The following CCDC175 variants were observed in gnomAD, a reference collection of about 807,000 sequenced individuals.
CCDC175 encodes coiled-coil domain containing 175, also known as coiled-coil domain-containing protein 175.
In CCDC175, 100 loss-of-function variants were observed where a neutral mutation model predicts 114.6. The observed-to-expected ratio is 0.87, with a 90% confidence interval of 0.74 to 1.03. CCDC175 has a LOEUF of 1.03. Ranked by LOEUF, CCDC175 falls within the 50% of genes least tolerant of loss-of-function variation. CCDC175 has a pLI of 0.00. For synonymous variants in CCDC175, 306 were observed against 308.7 expected (o/e 0.99, Z 0.09); for missense variants, 880 against 917.8 (o/e 0.96, Z 0.53).
At chr14:59,512,589 A>G (rs1399610770) in intron 17 of CCDC175, among the ~76,000 whole-genome samples, 1 of 152,280 alleles carries the variant, frequency 6.6e-6, no homozygotes, top group African/African-American at 2.4e-5. Context: ...ACAATTTTTG[A>G]GTCCTGTGAA....
chr14:59,574,994 A>G lies in CCDC175; in HGVS notation c.192T>C (p.Asn64=). ...CCTTAAGAAAGATCTTAGCTTCTTC[A>G]TTACATTTAAAATAGTCACTTTGCA... ...QSLQSDYFKC[N]EEAKIFLKDI... Residue 64 remains asparagine (N), a synonymous_variant, in exon 2 of 20, where the codon AAT becomes AAC. Coordinates refer to ENST00000537690, the MANE Select transcript of CCDC175 (RefSeq NM_001164399.2). The G allele has an allele frequency of 2.0e-6, 3 of 1,518,186 alleles. No individual in the cohort carries two copies. Among genetic ancestry groups the G allele is most frequent in the Non-Finnish European group, 1.8e-6 (2 of 1,134,272 alleles). 94.0% of individuals were successfully genotyped at this position (1,518,186 alleles called of 1,614,324 possible).
Position 59,565,083 on chromosome 14 carries a change from T to C in CCDC175, c.684A>G (p.Ala228=), listed in dbSNP as rs1437221813. ...ACTCTTGTTTTCTTATTAGATATTC[T>C]GCCCTTTCTTTTTCCATTAGCTCCT... is the stretch of plus-strand genomic sequence containing the variant. The part of the protein sequence containing the change: ...EAEELMEKER[A]EYLIRKQELT... Residue 228 remains alanine (A), a synonymous_variant, in exon 5 of 20, where the codon GCA becomes GCG. Coordinates refer to ENST00000537690, the MANE Select transcript of CCDC175 (RefSeq NM_001164399.2). The C allele has an allele frequency of 6.5e-7, 1 of 1,537,364 alleles. No homozygotes were observed. Among genetic ancestry groups the C allele is most frequent in the Non-Finnish European group, 8.7e-7 (1 of 1,146,858 alleles).
At chr14:59,533,712 G>C (rs1323235218) in intron 13 of CCDC175, among the ~76,000 whole-genome samples, 1 of 152,200 alleles carries the variant, frequency 6.6e-6, no homozygotes, top group Non-Finnish European at 1.5e-5. Context: ...AATCCAGCCA[G>C]GCATGGTGGC....
At chr14:59,570,823 C>T (rs548786435) in intron 3 of CCDC175, among the ~76,000 whole-genome samples, 1 of 152,298 alleles carries the variant, frequency 6.6e-6, no homozygotes, top group African/African-American at 2.4e-5. Context: ...CTCACTGCAA[C>T]CTCTGCCTCC....
intron 17 of CCDC175, among the ~76,000 whole-genome samples, chr14:59,518,282 C>T (rs553203260): frequency 3.9e-5 from 6 of 152,254 alleles, no homozygotes; most frequent in African/African-American, 1.4e-4. Context: ...ATGTCTAAAA[C>T]ACCAAAAGCA....
chr14:59,558,516 G>T (rs1423057485), intron 7 of CCDC175, among the ~76,000 whole-genome samples: 1 of 152,168 alleles, frequency 6.6e-6, no homozygotes, highest in Admixed American at 6.5e-5. Context: ...GATTTGGCTG[G>T]AGTAAGAGTT....
chr14:59,549,739 A>AAAAGAC (rs1566622011), intron 8 of CCDC175, among the ~76,000 whole-genome samples: 2 of 149,600 alleles, frequency 1.3e-5, no homozygotes, highest in Non-Finnish European at 3.0e-5. Context: ...AAGAAAAAGA[A>AAAAGAC]AAAGAAAAAA....
At position 59,513,959 on chromosome 14, in the gene CCDC175, G is replaced by A. The variant is rs571174365; in HGVS notation, c.2099-2156C>T. The stretch of plus-strand genomic sequence containing the variant: ...ACCTCACATGGCCGGGTACTCCTCT[G>A]AGACAAAACTTCCAGAGGCATGATC... On this transcript the variant is annotated intron_variant, in intron 17 of 19. Coordinates refer to ENST00000537690, the MANE Select transcript of CCDC175 (RefSeq NM_001164399.2). 2.0e-5 allele frequency among the ~76,000 whole-genome samples: 3 copies of A among 152,252 alleles called. No individual in the cohort carries two copies. In the East Asian group the frequency reaches 5.8e-4, roughly 29 times the overall value.
At chr14:59,550,955 C>T (rs1344434691) in intron 8 of CCDC175, among the ~76,000 whole-genome samples, 1 of 152,190 alleles carries the variant, frequency 6.6e-6, no homozygotes, top group African/African-American at 2.4e-5. Context: ...TCAGTATTAA[C>T]CATCACAATA....
rs1357364289 is a variant in CCDC175, at chr14:59,521,602, G to A, written c.2070C>T (p.Asp690=). Residue 690 remains aspartate (D), a synonymous_variant, in exon 17 of 20, where the codon GAC becomes GAT. Coordinates refer to ENST00000537690, the MANE Select transcript of CCDC175 (RefSeq NM_001164399.2). ...GQEALMHTSS[D]LSRQLIAQEA... ...CCTGAGCTATTAGTTGCCGAGACAA[G>A]TCGCTTGAGGTGTGCATGAGGGCTT... 2.0e-6 allele frequency: 3 copies of A among 1,535,054 alleles called. No homozygotes were observed. The South Asian group carries it at 3.6e-5, about 18-fold the overall frequency.
chr14:59,520,404 G>A (rs942038960), intron 17 of CCDC175, among the ~76,000 whole-genome samples: 2 of 152,058 alleles, frequency 1.3e-5, no homozygotes, highest in East Asian at 3.9e-4. Flanking sequence ...TTTGTCTGGC[G>A]GTTTCTTATA....
intron 14 of CCDC175, among the ~76,000 whole-genome samples, chr14:59,528,418 C>A (rs7160138): frequency 0.4 from 61,238 of 151,630 alleles, 13,459 homozygotes; most frequent in African/African-American, 0.58. Context: ...TGTATTATTT[C>A]TTTGATAATT....
Position 59,562,941 on chromosome 14 carries a change from T to C in CCDC175, c.843+796A>G, listed in dbSNP as rs368582244. ...AATGCTTTGTAATTGGATATCATAA[T>C]AGATATATTGTAATTAAAATGAGCA... On this transcript the variant is annotated intron_variant, in intron 6 of 19. Transcript: ENST00000537690. 1.3e-4 allele frequency among the ~76,000 whole-genome samples: 20 copies of C among 152,328 alleles called. 2 individuals carry two copies. The highest frequency in any genetic ancestry group is 8.5e-4 in the Admixed American group (13 of 15,298).
intron 3 of CCDC175, among the ~76,000 whole-genome samples, chr14:59,570,939 C>T (rs1020780579): frequency 6.6e-6 from 1 of 152,044 alleles, no homozygotes; most frequent in African/African-American, 2.4e-5. Context: ...GATGGGGTTT[C>T]ACTATGTTGG....
chr14:59,521,814 T>C (rs1373950121), intron 16 of CCDC175, 138 bp from the exon 17 acceptor site: 6 of 550,604 alleles, frequency 1.1e-5, no homozygotes, highest in Non-Finnish European at 1.9e-5. Context: ...CAGTGGGGAA[T>C]AAAACATACC....
At chr14:59,552,680 G>A (rs1050746278) in intron 7 of CCDC175, among the ~76,000 whole-genome samples, 1 of 152,176 alleles carries the variant, frequency 6.6e-6, no homozygotes, top group Non-Finnish European at 1.5e-5. Context: ...GCTAAAGGAG[G>A]AAATTCGAAC....
At chr14:59,559,904 G>A (rs976611171) in intron 7 of CCDC175, among the ~76,000 whole-genome samples, 17 of 152,070 alleles carry the variant, frequency 1.1e-4, no homozygotes, top group African/African-American at 3.6e-4. Context: ...ATCCTCACAC[G>A]TTAGCTAACA....
intron 19 of CCDC175, among the ~76,000 whole-genome samples, chr14:59,505,565 G>A (rs972463298): frequency 6.6e-6 from 1 of 152,098 alleles, no homozygotes; most frequent in African/African-American, 2.4e-5. Context: ...TGCAAAAGAA[G>A]AAATTACAAT....
chr14:59,541,191 A>C (rs184508156), intron 10 of CCDC175, among the ~76,000 whole-genome samples: 1 of 152,318 alleles, frequency 6.6e-6, no homozygotes, highest in East Asian at 1.9e-4. Context: ...ACCCTATGAC[A>C]CAAGAGGAAG....
Sources: gnomAD v4.1 joint callset for allele counts (sites outside exome capture counted in the v4.1 genomes callset) on GRCh38, gnomAD v4.1.1 for gene constraint, MANE v1.5 for transcripts, NCBI Gene and HGNC (gene_info 2026-07-23, HGNC 2026-07-21) for gene names.